The following FBXO2 variants were observed in gnomAD, a reference collection of about 807,000 sequenced individuals.
FBXO2 encodes the protein F-box protein 2, also known as F-box only protein 2.
FBXO2 carries 32 observed loss-of-function variants against 38.6 expected under a neutral mutation model. That is an observed-to-expected ratio of 0.83 (90% confidence interval 0.62 to 1.11). The LOEUF is 1.11. Ranked by LOEUF, FBXO2 falls within the 50% of genes most tolerant of loss-of-function variation. FBXO2 has a pLI of 0.00. For synonymous variants in FBXO2, 189 were observed against 182.9 expected (o/e 1.03, Z -0.27); for missense variants, 450 against 418.3 (o/e 1.08, Z -0.66).
In FBXO2 at chr1:11,650,730, C is replaced by CGGT. The variant is rs869083870; in HGVS notation, c.126_127insACC (p.Ala42_Ala43insThr). The CGGT allele has an allele frequency of 6.5e-7, 1 of 1,529,296 alleles. No homozygotes were observed. 94.7% of individuals were successfully genotyped at this position (1,529,296 alleles called of 1,614,324 possible). A position where few individuals can be genotyped will look rare whatever the true frequency, so the allele number is the denominator to read the frequency against. ...GGCAGCTCGTCCAGGTACGCGGCGGCGGCCGCCGCCTCCTCCTCCTGCTGG... is the reference window on the plus strand; with the variant it reads ...GGCAGCTCGTCCAGGTACGCGGCGGCGGTGGCCGCCGCCTCCTCCTCCTGCTGG... On this transcript the variant is annotated inframe_insertion, in exon 2 of 6. Coordinates refer to ENST00000354287, the MANE Select transcript of FBXO2 (RefSeq NM_012168.6).
At position 11,648,773 on chromosome 1, in the gene FBXO2, T is replaced by C. The variant is rs769834682; in HGVS notation, c.812A>G (p.His271Arg). The change falls in exon 6 of 6, where the codon CAC becomes CGC. Residue 271 changes from histidine (H) to arginine (R), a missense_variant. Transcript: ENST00000354287. The surrounding 1 kb of genome is among the most constrained non-coding windows in gnomAD (Gnocchi z 4.2). ...CCAGTAGACGGAGTCCTGCCCCCCGTGCTCGAAGCGGACGAAGCGGACGCC... is the reference window on the plus strand; with the variant it reads ...CCAGTAGACGGAGTCCTGCCCCCCGCGCTCGAAGCGGACGAAGCGGACGCC... ...GPGVRFVRFE[H>R]GGQDSVYWKG... The C allele has an allele frequency of 6.2e-6, 10 of 1,613,566 alleles. No homozygotes were observed. The highest frequency in any genetic ancestry group is 2.2e-5 in the East Asian group (1 of 44,892).
intron 2 of FBXO2, 137 bp from the exon 3 acceptor site, chr1:11,650,211 T>A: frequency 7.2e-7 from 1 of 1,394,400 alleles, no homozygotes; most frequent in Non-Finnish European, 9.7e-7. Flanking sequence ...GGTGGACCAG[T>A]GGGCAGTTTC....
Position 11,650,626 on chromosome 1 carries a change from G to A in FBXO2, c.231C>T (p.Arg77=), listed in dbSNP as rs1639502269. 7 of 1,585,300 alleles carry A rather than the reference G, an allele frequency of 4.4e-6. No individual in the cohort carries two copies. Among genetic ancestry groups the A allele is most frequent in the Non-Finnish European group, 6.0e-6 (7 of 1,170,546 alleles). The change falls in exon 2 of 6, where the codon CGC becomes CGT. Residue 77 remains arginine (R), a synonymous_variant. Coordinates refer to ENST00000354287, the MANE Select transcript of FBXO2 (RefSeq NM_012168.6). ...GGGCGCCGTCCACCAGCTCCTTCCA[G>A]CGCAGGCACACCAGGCGGCAGGCCT... The part of the protein sequence containing the change: ...LVQACRLVCL[R]WKELVDGAPL...
Position 11,650,627 on chromosome 1 carries a change from C to T in FBXO2, c.230G>A (p.Arg77His), listed in dbSNP as rs1276162923. ...GGCGCCGTCCACCAGCTCCTTCCAG[C>T]GCAGGCACACCAGGCGGCAGGCCTG... ...LVQACRLVCL[R>H]WKELVDGAPL... Residue 77 changes from arginine to histidine, a missense_variant, in exon 2 of 6, where the codon CGC becomes CAC. Physicochemically the swap from Arg to His is conservative, Grantham distance 29. Transcript: ENST00000354287. The T allele has an allele frequency of 3.8e-6, 6 of 1,584,482 alleles. No individual in the cohort carries two copies. Among genetic ancestry groups the T allele is most frequent in the African/African-American group, 2.7e-5 (2 of 74,516 alleles).
chr1:11,649,346 C>T, intron 4 of FBXO2, 121 bp from the exon 5 acceptor site: 1 of 820,314 alleles, frequency 1.2e-6, no homozygotes. Flanking sequence ...CGCCCAACAT[C>T]CCTGTCAGCC....
intron 5 of FBXO2, 41 bp downstream of exon 5, chr1:11,649,046 G>A: frequency 6.5e-7 from 1 of 1,534,466 alleles, no homozygotes. Flanking sequence ...CGCCCCTCAT[G>A]TCCGTGCCCC....
chr1:11,649,408 G>GA, intron 4 of FBXO2, 183 bp from the exon 5 acceptor site: 1 of 624,814 alleles, frequency 1.6e-6, no homozygotes, highest in Non-Finnish European at 2.8e-6. Flanking sequence ...GCCAGCAAGA[G>GA]AAAGTGACAG....
chr1:11,650,828 A>G lies in FBXO2; in HGVS notation c.29T>C (p.Val10Ala). The change falls in exon 2 of 6, where the codon GTG becomes GCG. Residue 10 changes from valine (V) to alanine (A), a missense_variant. By Grantham distance (64) the Val-to-Ala change is moderately conservative (BLOSUM62 0). Transcript: ENST00000354287. ...CGGGCTTGCCTCCTCGGGCTGGCCC[A>G]CGCTCTCTGCAGGCAGGGATGGGTG... is the stretch of plus-strand genomic sequence containing the variant. MDGDGDPES[V>A]GQPEEASPEE... 6.4e-7 allele frequency: 1 copy of G among 1,551,644 alleles called. No individual in the cohort carries two copies. Among genetic ancestry groups the G allele is most frequent in the Non-Finnish European group, 8.7e-7 (1 of 1,154,498 alleles).
At chr1:11,654,091 G>T in intron 1 of FBXO2, 1 of 450,418 alleles carries the variant, frequency 2.2e-6, no homozygotes, top group Non-Finnish European at 3.9e-6. Flanking sequence ...TGGCTAAATG[G>T]GACCCAGGAG....
chr1:11,654,054 A>C, intron 1 of FBXO2: 48 of 393,474 alleles, frequency 1.2e-4, no homozygotes, highest in East Asian at 1.7e-4. Context: ...GGAGGCGGGA[A>C]TGTGGGGGTC....
chr1:11,650,146 G>A, intron 2 of FBXO2, 72 bp from the exon 3 acceptor site: 1 of 1,591,372 alleles, frequency 6.3e-7, no homozygotes, highest in Non-Finnish European at 8.6e-7. Context: ...CTATGTGGTG[G>A]GGGGCAGGGC....
rs763877988 is a variant in FBXO2 at position 11,648,729 on chromosome 1, G to A, written c.856C>T (p.Arg286Trp). Residue 286 changes from arginine to tryptophan, a missense_variant, in exon 6 of 6, where the codon CGG (arginine) becomes TGG (tryptophan). Physicochemically the swap from Arg to Trp is moderately radical, Grantham distance 101 (BLOSUM62 -3). Transcript: ENST00000354287. This position sits in a 1 kb window ranked among gnomAD's most constrained non-coding sequence, Gnocchi z 4.2. ...ACCCACACGCTGCTGTTGGTCACCCGGGCCCCGAACCAGCCCTTCCAGTAG... is the reference window on the plus strand; with the variant it reads ...ACCCACACGCTGCTGTTGGTCACCCAGGCCCCGAACCAGCCCTTCCAGTAG... ...SVYWKGWFGA[R>W]VTNSSVWVEP 70 of 1,613,272 alleles carry A rather than the reference G, an allele frequency of 4.3e-5. No homozygotes were observed. Among genetic ancestry groups the A allele is most frequent in the Middle Eastern group, 1.6e-4 (1 of 6,084 alleles).
chr1:11,648,974 A>AGCCCAGCCCAGCCCC lies in FBXO2; in HGVS notation c.756+112_756+113insGGGGCTGGGCTGGGC. On this transcript the variant is annotated intron_variant, in intron 5 of 5. Transcript: ENST00000354287. The surrounding 1 kb of genome is among the most constrained non-coding windows in gnomAD (Gnocchi z 4.2). ...CTCTCCACCACCCGGTGACTATCTC[A>AGCCCAGCCCAGCCCC]GCCCAGCCCAGCCCAGCCCACCCCA... 2 of 1,247,384 alleles carry AGCCCAGCCCAGCCCC rather than the reference A, an allele frequency of 1.6e-6. No homozygotes were observed. Among genetic ancestry groups the AGCCCAGCCCAGCCCC allele is most frequent in the Non-Finnish European group, 2.2e-6 (2 of 894,322 alleles). 77.3% of individuals were successfully genotyped at this position (1,247,384 alleles called of 1,614,324 possible). A position where few individuals can be genotyped will look rare whatever the true frequency, so the allele number is the denominator to read the frequency against.
chr1:11,652,748 G>C (rs1002303826), intron 1 of FBXO2, among the ~76,000 whole-genome samples: 4 of 152,128 alleles, frequency 2.6e-5, no homozygotes, highest in African/African-American at 9.7e-5. Flanking sequence ...AACAGGCCAG[G>C]CACTGGGGAA....
chr1:11,650,432 G>T, intron 2 of FBXO2, 34 bp downstream of exon 2: 1 of 1,596,780 alleles, frequency 6.3e-7, no homozygotes. Flanking sequence ...TTCGCAGCAG[G>T]GGAAGCTGAG....
At chr1:11,652,160 A>G (rs532483109) in intron 1 of FBXO2, among the ~76,000 whole-genome samples, 41 of 152,328 alleles carry the variant, frequency 2.7e-4, no homozygotes, top group African/African-American at 9.9e-4. Context: ...GCAAATGCTC[A>G]GGCTCAGGGA....
At position 11,654,364 on chromosome 1, in the gene FBXO2, G is replaced by A. The variant is rs1056557632; in HGVS notation, c.-24C>T. On this transcript the variant is annotated 5_prime_UTR_variant, in exon 1 of 6. Coordinates refer to ENST00000354287, the MANE Select transcript of FBXO2 (RefSeq NM_012168.6). Reference sequence around the variant, plus strand: ...ATCGCTGCGGAGGGCGGTCGCGAGAGGAGGAGCCGGAGCGCTGCGGGCTGC... The same window carrying A: ...ATCGCTGCGGAGGGCGGTCGCGAGAAGAGGAGCCGGAGCGCTGCGGGCTGC... 12 of 1,401,586 alleles carry A rather than the reference G, an allele frequency of 8.6e-6. No individual in the cohort carries two copies. The highest frequency in any genetic ancestry group is 1.0e-5 in the Non-Finnish European group (11 of 1,081,250). 86.8% of individuals were successfully genotyped at this position (1,401,586 alleles called of 1,614,324 possible).
chr1:11,648,582 G>C lies in FBXO2; in HGVS notation c.*112C>G, dbSNP rs1162241982. On this transcript the variant is annotated 3_prime_UTR_variant, in exon 6 of 6. Transcript: ENST00000354287. The surrounding 1 kb of genome is among the most constrained non-coding windows in gnomAD (Gnocchi z 4.2). ...GGGCTGGGATCGGAGCAAGGGATGG[G>C]AGGAGGATGTGTGGCTTGGGGAAGG... 6.4e-6 allele frequency: 9 copies of C among 1,408,574 alleles called. No homozygotes were observed. In the East Asian group the frequency reaches 2.2e-4, roughly 35 times the overall value. 87.3% of individuals were successfully genotyped at this position (1,408,574 alleles called of 1,614,324 possible).
rs1639457548 is a variant in FBXO2 at position 11,648,767 on chromosome 1, C to G, written c.818G>C (p.Gly273Ala). The G allele has an allele frequency of 1.9e-6, 3 of 1,613,616 alleles. No homozygotes were observed. The highest frequency in any genetic ancestry group is 1.7e-5 in the Admixed American group (1 of 60,002). ...GCCCTTCCAGTAGACGGAGTCCTGC[C>G]CCCCGTGCTCGAAGCGGACGAAGCG... ...GVRFVRFEHGGQDSVYWKGWF... is the reference protein window; with the variant it reads ...GVRFVRFEHGAQDSVYWKGWF... Residue 273 changes from glycine (G) to alanine (A), a missense_variant, in exon 6 of 6, where the codon GGG becomes GCG. Coordinates refer to ENST00000354287, the MANE Select transcript of FBXO2 (RefSeq NM_012168.6). This position sits in a 1 kb window ranked among gnomAD's most constrained non-coding sequence, Gnocchi z 4.2.
Sources: gnomAD v4.1 joint callset for allele counts (sites outside exome capture counted in the v4.1 genomes callset) on GRCh38, gnomAD v4.1.1 for gene constraint, Gnocchi (gnomAD v3.1) non-coding constraint, MANE v1.5 for transcripts, NCBI Gene and HGNC (gene_info 2026-07-23, HGNC 2026-07-21) for gene names.